The following RPS6KC1 variants were observed in gnomAD, a reference collection of about 807,000 sequenced individuals.
The protein encoded by RPS6KC1 is inactive ribosomal protein S6 kinase delta-1.
In RPS6KC1, 54 loss-of-function variants were observed where a neutral mutation model predicts 103.8. The observed-to-expected ratio is 0.52, with a 90% CI of 0.42 to 0.65. The LOEUF is 0.65. Among genes scored for constraint, RPS6KC1 ranks in the 30% least tolerant of loss-of-function variants. RPS6KC1 has a pLI of 0.00. For synonymous variants in RPS6KC1, 439 were observed against 438.7 expected (o/e 1.00, Z -0.01); for missense variants, 1,151 against 1,253.8 (o/e 0.92, Z 1.24).
At chr1:213,258,833 G>A (rs966999390) in intron 12 of RPS6KC1, among the ~76,000 whole-genome samples, 1 of 152,174 alleles carries the variant, frequency 6.6e-6, no homozygotes, top group African/African-American at 2.4e-5. Flanking sequence ...ACTTCCAAAG[G>A]TGATAGTGGC....
chr1:213,462,790 T>C, the RPS6KC1 span, among the ~76,000 whole-genome samples: 1 of 152,070 alleles, frequency 6.6e-6, no homozygotes, highest in Admixed American at 6.6e-5. Context: ...TTAGGAGAAA[T>C]ACCTAATGTA....
the RPS6KC1 span, among the ~76,000 whole-genome samples, chr1:213,520,882 T>C: frequency 6.6e-6 from 1 of 152,202 alleles, no homozygotes; most frequent in African/African-American, 2.4e-5. Context: ...ATGAAAAACA[T>C]TCAAATGTGA....
At chr1:213,777,749 A>G in the RPS6KC1 span, among the ~76,000 whole-genome samples, 2 of 152,156 alleles carry the variant, frequency 1.3e-5, no homozygotes, top group Non-Finnish European at 2.9e-5. Context: ...TCATGTATTT[A>G]TCTTTTGTGG....
the RPS6KC1 span, among the ~76,000 whole-genome samples, chr1:213,742,443 C>G: frequency 2.4e-3 from 362 of 152,292 alleles, 5 homozygotes; most frequent in African/African-American, 8.6e-3. Flanking sequence ...ACACCCATTC[C>G]CAATGTGTAT....
the RPS6KC1 span, among the ~76,000 whole-genome samples, chr1:213,760,666 A>G: frequency 2.6e-4 from 40 of 152,298 alleles, no homozygotes; most frequent in African/African-American, 8.7e-4. Context: ...TTTGTGGATA[A>G]TGGATTATTT....
the RPS6KC1 span, among the ~76,000 whole-genome samples, chr1:213,400,094 A>G: frequency 6.6e-6 from 1 of 151,718 alleles, no homozygotes; most frequent in Non-Finnish European, 1.5e-5. Context: ...CATAACCAGA[A>G]CCCTCGGGTC....
chr1:213,782,919 GAACTCC>G, the RPS6KC1 span, among the ~76,000 whole-genome samples: 1 of 152,270 alleles, frequency 6.6e-6, no homozygotes, highest in East Asian at 1.9e-4. Context: ...AATAAATGTT[GAACTCC>G]AAGTTGCCCC....
chr1:213,382,420 TC>T, the RPS6KC1 span, among the ~76,000 whole-genome samples: 1 of 152,200 alleles, frequency 6.6e-6, no homozygotes, highest in Non-Finnish European at 1.5e-5. Context: ...TTTTTTGTAT[TC>T]TTCTGTTGAG....
At chr1:213,820,826 T>C in the RPS6KC1 span, 1 of 152,154 alleles carries the variant, frequency 6.6e-6, no homozygotes, top group African/African-American at 2.4e-5. Flanking sequence ...ATTTTTTGGA[T>C]GAGAGCCAAC....
the RPS6KC1 span, among the ~76,000 whole-genome samples, chr1:213,763,138 T>G: frequency 6.6e-6 from 1 of 152,106 alleles, no homozygotes; most frequent in Non-Finnish European, 1.5e-5. Flanking sequence ...GGATTATAGG[T>G]GTGGGCCACT....
chr1:213,448,453 C>T, the RPS6KC1 span, among the ~76,000 whole-genome samples: 2 of 152,040 alleles, frequency 1.3e-5, no homozygotes, highest in East Asian at 1.9e-4. Flanking sequence ...TAGACCCAAA[C>T]CCCCAAGAAA....
chr1:213,268,061 T>C (rs571775332), intron 14 of RPS6KC1, among the ~76,000 whole-genome samples: 6 of 151,990 alleles, frequency 3.9e-5, no homozygotes, highest in Admixed American at 2.0e-4. Context: ...CATTAACTTA[T>C]GCATCCAAGA....
the RPS6KC1 span, among the ~76,000 whole-genome samples, chr1:213,743,639 T>A: frequency 6.6e-6 from 1 of 152,114 alleles, no homozygotes; most frequent in Non-Finnish European, 1.5e-5. Context: ...AAACACAACT[T>A]GGATTTGTTC....
the RPS6KC1 span, among the ~76,000 whole-genome samples, chr1:213,305,265 G>A: frequency 2.6e-5 from 4 of 151,652 alleles, no homozygotes; most frequent in African/African-American, 7.3e-5. Flanking sequence ...TTTCTTATTA[G>A]TAGAGATGGG....
chr1:213,314,934 A>G, the RPS6KC1 span, among the ~76,000 whole-genome samples: 28 of 152,228 alleles, frequency 1.8e-4, no homozygotes, highest in East Asian at 5.0e-3. Flanking sequence ...CTGACCCTGT[A>G]TGGTGTGCTT....
At chr1:213,731,130 C>G in the RPS6KC1 span, among the ~76,000 whole-genome samples, 2 of 152,066 alleles carry the variant, frequency 1.3e-5, no homozygotes, top group Non-Finnish European at 2.9e-5. Context: ...GTACCAATAC[C>G]ATGCTGTTTT....
the RPS6KC1 span, among the ~76,000 whole-genome samples, chr1:213,557,346 A>G: frequency 6.6e-6 from 1 of 152,166 alleles, no homozygotes; most frequent in Non-Finnish European, 1.5e-5. Flanking sequence ...AAGACACACA[A>G]AGTCTCCATG....
At chr1:213,782,884 A>G in the RPS6KC1 span, among the ~76,000 whole-genome samples, 8 of 152,200 alleles carry the variant, frequency 5.3e-5, no homozygotes, top group African/African-American at 1.9e-4. Flanking sequence ...CATGGGACGC[A>G]GACAGGCTGG....
the RPS6KC1 span, among the ~76,000 whole-genome samples, chr1:213,618,497 T>C: frequency 2.0e-5 from 3 of 152,204 alleles, no homozygotes; most frequent in Non-Finnish European, 4.4e-5. Flanking sequence ...GGATTATGCA[T>C]GTAGAGAGGT....
Sources: allele counts gnomAD v4.1 joint callset (sites outside exome capture counted in the v4.1 genomes callset), GRCh38; gene constraint gnomAD v4.1.1; transcripts MANE v1.5; gene names NCBI Gene and HGNC (gene_info 2026-07-23, HGNC 2026-07-21).